CCSER1: variants seen among roughly 807,000 people sequenced by gnomAD.
CCSER1 encodes coiled-coil serine rich protein 1.
Under a neutral mutation model 82.0 loss-of-function variants are expected in CCSER1, and 41 were observed. That is an observed-to-expected ratio of 0.50 (90% CI 0.39 to 0.65). CCSER1 has a LOEUF of 0.65. Among genes scored for constraint, CCSER1 ranks in the 30% least tolerant of loss-of-function variants. The pLI is 0.00. For missense variants in CCSER1, 1,119 were observed against 1,064.2 expected, an observed-to-expected ratio of 1.05 and a Z score of -0.72; for synonymous variants, 414 against 383.9, an observed-to-expected ratio of 1.08 and a Z score of -0.92.
intron 1 of CCSER1, among the ~76,000 whole-genome samples, chr4:90,148,782 T>G (rs559662619): frequency 6.6e-6 from 1 of 152,296 alleles, no homozygotes; most frequent in East Asian, 1.9e-4. Context: ...TTTAGCTGAC[T>G]TATTTTTTTT....
chr4:90,703,967 A>C (rs979170377), intron 6 of CCSER1, among the ~76,000 whole-genome samples: 2 of 152,104 alleles, frequency 1.3e-5, no homozygotes, highest in Non-Finnish European at 2.9e-5. Flanking sequence ...CATTTAGCCC[A>C]TTTCCATTTA....
chr4:91,410,548 A>G (rs976283097), intron 10 of CCSER1, among the ~76,000 whole-genome samples: 3 of 152,296 alleles, frequency 2.0e-5, no homozygotes, highest in African/African-American at 4.8e-5. Flanking sequence ...TATTTTTACA[A>G]AAGAATTTTC....
intron 5 of CCSER1, among the ~76,000 whole-genome samples, chr4:90,496,805 C>T (rs926636416): frequency 4.0e-5 from 6 of 151,408 alleles, no homozygotes; most frequent in African/African-American, 7.3e-5. Context: ...GGTGAAACCC[C>T]GTCTCTACTA....
intron 9 of CCSER1, among the ~76,000 whole-genome samples, chr4:91,082,622 C>A (rs1722897928): frequency 1.3e-5 from 2 of 152,056 alleles, no homozygotes; most frequent in African/African-American, 4.8e-5. Flanking sequence ...AGTGAATAGG[C>A]AACCTACAGA....
Position 90,932,976 on chromosome 4 carries a change from A to AAG in CCSER1, c.2172+9531_2172+9532dup, listed in dbSNP as rs1491115193. Among the ~76,000 whole-genome samples the AAG allele has an allele frequency of 9.8e-4, 38 of 38,678 alleles. 6 individuals carry two copies. The highest frequency in any genetic ancestry group is 6.8e-3 in the East Asian group (14 of 2,044). 25.4% of individuals were successfully genotyped at this position (38,678 alleles called of 152,430 possible). On this transcript the variant is annotated intron_variant, in intron 9 of 10. Transcript: ENST00000509176. ...AAAGAAAGAAAGAAAGAAAGAAAGA[A>AAG]AGAAAGAGAAAGAAAGAAAGAAAGA...
chr4:90,571,154 C>G (rs532517482), intron 5 of CCSER1, among the ~76,000 whole-genome samples: 1 of 152,070 alleles, frequency 6.6e-6, no homozygotes, highest in Non-Finnish European at 1.5e-5. Flanking sequence ...GTCCAGTCCC[C>G]GTGGAAAACA....
chr4:90,546,626 G>A (rs1776790040), intron 5 of CCSER1, among the ~76,000 whole-genome samples: 1 of 151,956 alleles, frequency 6.6e-6, no homozygotes, highest in Non-Finnish European at 1.5e-5. Context: ...CAAAATTTAA[G>A]TCACATTTTA....
intron 6 of CCSER1, among the ~76,000 whole-genome samples, chr4:90,714,551 T>C (rs1298085948): frequency 6.6e-6 from 1 of 152,030 alleles, no homozygotes; most frequent in South Asian, 2.1e-4. Context: ...TCCCCCTACA[T>C]AGATAAGGGG....
intron 10 of CCSER1, among the ~76,000 whole-genome samples, chr4:91,198,908 T>G (rs958269614): frequency 2.0e-5 from 3 of 152,128 alleles, no homozygotes; most frequent in African/African-American, 7.2e-5. Flanking sequence ...GCTAATGATC[T>G]TATCAAAAGT....
At chr4:91,520,256 C>T (rs1760381969) in intron 10 of CCSER1, among the ~76,000 whole-genome samples, 1 of 148,608 alleles carries the variant, frequency 6.7e-6, no homozygotes. Context: ...TTCAATCTAT[C>T]TTCTTTAGAT....
chr4:91,141,034 G>C (rs1728974869), intron 10 of CCSER1, among the ~76,000 whole-genome samples: 1 of 151,956 alleles, frequency 6.6e-6, no homozygotes, highest in African/African-American at 2.4e-5. Flanking sequence ...CCAATGTTTA[G>C]CTCCCACTTA....
At chr4:91,185,642 C>T (rs1416452120) in intron 10 of CCSER1, among the ~76,000 whole-genome samples, 2 of 152,234 alleles carry the variant, frequency 1.3e-5, no homozygotes, top group East Asian at 3.8e-4. Context: ...TTCCCAAAAT[C>T]AGGTTCCCTT....
chr4:91,584,407 T>C (rs1162232352), intron 10 of CCSER1, among the ~76,000 whole-genome samples: 1 of 151,570 alleles, frequency 6.6e-6, no homozygotes, highest in Admixed American at 6.6e-5. Flanking sequence ...TAAATTGTTT[T>C]TGGAGGCATT....
chr4:91,438,203 C>T (rs2149401472), intron 10 of CCSER1, among the ~76,000 whole-genome samples: 1 of 152,310 alleles, frequency 6.6e-6, no homozygotes, highest in South Asian at 2.1e-4. Flanking sequence ...GACCCCTGAC[C>T]CCTGAGCAGC....
At position 91,024,075 on chromosome 4, in the gene CCSER1, C is replaced by T. The variant is rs145575505; in HGVS notation, c.2173-61875C>T. On this transcript the variant is annotated intron_variant, in intron 9 of 10. Coordinates refer to ENST00000509176, the MANE Select transcript of CCSER1 (RefSeq NM_001145065.2). ...ACAGTGCTAACATGCTAGCTCAGGT[C>T]TCTCTTCCTCTTATAAAGCCACGAG... Among the ~76,000 whole-genome samples, 1,292 of 152,228 alleles carry T rather than the reference C, an allele frequency of 8.5e-3. 29 individuals are homozygous for T. The highest frequency in any genetic ancestry group is 0.03 in the African/African-American group (1,238 of 41,528).
chr4:90,493,941 C>T (rs976320367), intron 5 of CCSER1, among the ~76,000 whole-genome samples: 3 of 152,226 alleles, frequency 2.0e-5, no homozygotes, highest in Non-Finnish European at 4.4e-5. Context: ...TGTAAATGGG[C>T]TAAATGCTCC....
At chr4:90,279,682 A>G (rs984955614) in intron 1 of CCSER1, among the ~76,000 whole-genome samples, 6 of 152,016 alleles carry the variant, frequency 3.9e-5, no homozygotes, top group Non-Finnish European at 8.8e-5. Flanking sequence ...GAAATGGTCT[A>G]GTATCCAGAG....
intron 10 of CCSER1, among the ~76,000 whole-genome samples, chr4:91,086,273 AG>A (rs1723384572): frequency 6.6e-6 from 1 of 152,126 alleles, no homozygotes. Context: ...CTGTAGCAGC[AG>A]GTCCTTTCAC....
chr4:90,424,386 T>A (rs1189799820), intron 4 of CCSER1, among the ~76,000 whole-genome samples: 1 of 152,160 alleles, frequency 6.6e-6, no homozygotes, highest in East Asian at 1.9e-4. Context: ...CTTAATAGAA[T>A]CATGTTTGCT....
Sources: allele counts gnomAD v4.1 joint callset (sites outside exome capture counted in the v4.1 genomes callset), GRCh38; gene constraint gnomAD v4.1.1; transcripts MANE v1.5; gene names NCBI Gene and HGNC (gene_info 2026-07-23, HGNC 2026-07-21).